Variants in ODAD2 observed in about 807,000 individuals in gnomAD.
ODAD2 encodes the protein outer dynein arm docking complex subunit 2, also known as outer dynein arm-docking complex subunit 2.
In ODAD2, 89 loss-of-function variants were observed where a neutral mutation model predicts 106.8. The observed-to-expected ratio is 0.83, with a 90% CI of 0.70 to 0.99. ODAD2 has a LOEUF of 0.99. ODAD2 is among the 50% of genes least tolerant of loss of function. The pLI, the probability that ODAD2 is intolerant of heterozygous loss-of-function variation, is 0.00. For synonymous variants in ODAD2, 404 were observed against 436.2 expected (o/e 0.93, Z 0.92); for missense variants, 1,168 against 1,238.5 (o/e 0.94, Z 0.85).
intron 7 of ODAD2, among the ~76,000 whole-genome samples, chr10:27,976,568 T>C (rs1361804221): frequency 6.6e-6 from 1 of 152,202 alleles, no homozygotes; most frequent in African/African-American, 2.4e-5. Flanking sequence ...TATTGAAAGC[T>C]ACAAAACATT....
chr10:27,839,313 T>C (rs1180575986), intron 19 of ODAD2, among the ~76,000 whole-genome samples: 4 of 152,226 alleles, frequency 2.6e-5, no homozygotes, highest in African/African-American at 9.6e-5. Flanking sequence ...GGCAATGGCT[T>C]CTGGCTTCAC....
chr10:27,818,702 T>C (rs1017202474), intron 19 of ODAD2, among the ~76,000 whole-genome samples: 3 of 152,208 alleles, frequency 2.0e-5, no homozygotes, highest in Non-Finnish European at 2.9e-5. Flanking sequence ...CCACCTAATA[T>C]CTACCTCTCA....
intron 15 of ODAD2, among the ~76,000 whole-genome samples, 164 bp downstream of exon 15, chr10:27,936,562 C>A (rs1845986058): frequency 2.0e-5 from 3 of 152,142 alleles, no homozygotes; most frequent in Admixed American, 2.0e-4. Context: ...AATTTCTATT[C>A]TTTTCTTTTC....
chr10:27,819,434 G>A (rs992002070), intron 19 of ODAD2, among the ~76,000 whole-genome samples: 2 of 152,034 alleles, frequency 1.3e-5, no homozygotes, highest in African/African-American at 4.8e-5. Flanking sequence ...CTATCTTCGA[G>A]AGAGTAAAAC....
chr10:27,918,010 G>A (rs893752224), intron 16 of ODAD2, among the ~76,000 whole-genome samples: 11 of 151,666 alleles, frequency 7.3e-5, no homozygotes, highest in Middle Eastern at 3.4e-3. Context: ...TAAATAAATT[G>A]AATTTGTAAT....
intron 19 of ODAD2, among the ~76,000 whole-genome samples, chr10:27,821,739 T>C (rs568716001): frequency 1.3e-5 from 2 of 152,370 alleles, no homozygotes; most frequent in South Asian, 2.1e-4. Context: ...CAAGTGATTA[T>C]GAAATTGGTA....
At chr10:27,986,605 C>T (rs957082144) in intron 3 of ODAD2, among the ~76,000 whole-genome samples, 1 of 152,168 alleles carries the variant, frequency 6.6e-6, no homozygotes, top group African/African-American at 2.4e-5. Context: ...GACCATCTTC[C>T]CATCTCACAC....
chr10:27,936,491 C>T (rs1261768690), intron 15 of ODAD2, among the ~76,000 whole-genome samples: 11 of 152,138 alleles, frequency 7.2e-5, no homozygotes, highest in Admixed American at 7.2e-4. Flanking sequence ...ATAGAGAAAT[C>T]ATGTCAGCAA....
chr10:27,881,973 C>T (rs192479977), intron 17 of ODAD2, among the ~76,000 whole-genome samples: 74 of 151,864 alleles, frequency 4.9e-4, no homozygotes, highest in Admixed American at 2.2e-3. Flanking sequence ...CGAGACCAGA[C>T]TCGACAACAT....
At chr10:27,957,337 G>A (rs1022148582) in intron 10 of ODAD2, 9 of 152,212 alleles carry the variant, frequency 5.9e-5, no homozygotes, top group African/African-American at 2.2e-4. Flanking sequence ...CTGCCACTAA[G>A]GAACCTCGCC....
chr10:27,942,632 C>T (rs990066626), intron 12 of ODAD2, among the ~76,000 whole-genome samples: 6 of 152,006 alleles, frequency 3.9e-5, no homozygotes, highest in African/African-American at 1.4e-4. Flanking sequence ...CATCAACCTA[C>T]CAAATTGTTT....
At chr10:27,839,460 A>G (rs987432940) in intron 19 of ODAD2, among the ~76,000 whole-genome samples, 1 of 152,202 alleles carries the variant, frequency 6.6e-6, no homozygotes, top group Non-Finnish European at 1.5e-5. Flanking sequence ...ACCTGTTGCT[A>G]TGAAGTTTTT....
intron 12 of ODAD2, 33 bp downstream of exon 12, chr10:27,944,189 C>T: frequency 6.4e-7 from 1 of 1,570,856 alleles, no homozygotes; most frequent in Admixed American, 1.8e-5. Context: ...GCGGCTGGCA[C>T]TAGATGACGA....
At chr10:27,881,821 T>C (rs1841728387) in intron 17 of ODAD2, among the ~76,000 whole-genome samples, 1 of 152,136 alleles carries the variant, frequency 6.6e-6, no homozygotes. Context: ...AAACCTTGAT[T>C]AGTGATTCTC....
intron 19 of ODAD2, among the ~76,000 whole-genome samples, chr10:27,830,433 T>A (rs1837387433): frequency 6.6e-6 from 1 of 152,238 alleles, no homozygotes; most frequent in South Asian, 2.1e-4. Context: ...AACACATGCC[T>A]ACCGAGTTTT....
At chr10:27,947,427 C>T (rs1226219242) in intron 10 of ODAD2, among the ~76,000 whole-genome samples, 1 of 152,056 alleles carries the variant, frequency 6.6e-6, no homozygotes, top group African/African-American at 2.4e-5. Flanking sequence ...ATCACACTAC[C>T]ACTCTCCAGC....
intron 16 of ODAD2, among the ~76,000 whole-genome samples, chr10:27,922,474 A>G (rs758248772): frequency 1.1e-4 from 16 of 152,304 alleles, no homozygotes; most frequent in Admixed American, 4.6e-4. Flanking sequence ...TTTGAATGTT[A>G]TATATAACAA....
At chr10:27,991,514 A>G (rs900494183) in intron 2 of ODAD2, among the ~76,000 whole-genome samples, 1 of 152,234 alleles carries the variant, frequency 6.6e-6, no homozygotes, top group Non-Finnish European at 1.5e-5. Context: ...TCAAACTTCT[A>G]TTGACTGTTG....
intron 17 of ODAD2, among the ~76,000 whole-genome samples, chr10:27,869,291 G>A (rs879263600): frequency 1.3e-5 from 2 of 152,002 alleles, no homozygotes; most frequent in African/African-American, 2.4e-5. Context: ...TCTAACACAT[G>A]TATGTAAGAG....
Sources: gnomAD v4.1 joint callset for allele counts (sites outside exome capture counted in the v4.1 genomes callset) on GRCh38, gnomAD v4.1.1 for gene constraint, MANE v1.5 for transcripts, NCBI Gene and HGNC (gene_info 2026-07-23, HGNC 2026-07-21) for gene names.